The following ZNF189 variants were observed in gnomAD, a reference collection of about 807,000 sequenced individuals.
ZNF189 encodes the protein zinc finger protein 189.
In ZNF189, 33 loss-of-function variants were observed where a neutral mutation model predicts 53.5. The ratio of observed to expected loss-of-function variants is 0.62; its 90% CI spans 0.47 to 0.82. ZNF189 has a LOEUF of 0.82. Among genes scored for constraint, ZNF189 ranks in the 40% least tolerant of loss-of-function variants. The pLI is 0.00. For synonymous variants in ZNF189, 247 were observed against 238.8 expected (o/e 1.03, Z -0.32); for missense variants, 711 against 753.9 (o/e 0.94, Z 0.67).
At chr9:101,403,631 CTCTT>C (rs755387002) in intron 2 of ZNF189, among the ~76,000 whole-genome samples, 1 of 152,202 alleles carries the variant, frequency 6.6e-6, no homozygotes, top group Non-Finnish European at 1.5e-5. Context: ...ATTTTAATGA[CTCTT>C]TCCGCAATGA....
chr9:101,408,999 A>G lies in ZNF189; in HGVS notation c.1231A>G (p.Arg411Gly), dbSNP rs1331274647. Reference sequence around the variant, plus strand: ...TGAGGAATGTGGAAAAGCCTTTAGTAGAAGCTCAGGTCTTATTCAGCATCA... The same window carrying G: ...TGAGGAATGTGGAAAAGCCTTTAGTGGAAGCTCAGGTCTTATTCAGCATCA... ...KCEECGKAFS[R>G]SSGLIQHQRI... Residue 411 changes from arginine to glycine, a missense_variant, in exon 3 of 3, where the codon AGA (arginine) becomes GGA (glycine). By Grantham distance (125) the Arg-to-Gly change is moderately radical (BLOSUM62 -2). Transcript: ENST00000339664. 1 of 1,613,952 alleles carries G rather than the reference A, an allele frequency of 6.2e-7. No individual in the cohort carries two copies. Among genetic ancestry groups the G allele is most frequent in the Non-Finnish European group, 8.5e-7 (1 of 1,180,016 alleles).
intron 2 of ZNF189, among the ~76,000 whole-genome samples, chr9:101,404,964 G>T (rs1830658852): frequency 6.6e-6 from 1 of 152,096 alleles, no homozygotes; most frequent in African/African-American, 2.4e-5. Flanking sequence ...AGGAACTGTT[G>T]CTTTAAACTT....
chr9:101,400,059 A>G, intron 2 of ZNF189, 49 bp downstream of exon 2: 1 of 1,598,866 alleles, frequency 6.3e-7, no homozygotes, highest in Non-Finnish European at 8.5e-7. Context: ...AGGTAGAGAG[A>G]AATCAGACTA....
chr9:101,407,964 G>A lies in ZNF189; in HGVS notation c.196G>A (p.Val66Ile), dbSNP rs1332043986. Residue 66 changes from valine to isoleucine, a missense_variant, in exon 3 of 3, where the codon GTA becomes ATA. Coordinates refer to ENST00000339664, the MANE Select transcript of ZNF189 (RefSeq NM_003452.4). ...CAGAGATAAGGATGAGGAGCCAACTGTAAAACAAGAGATTGAAGAAATTGA... is the reference window on the plus strand; with the variant it reads ...CAGAGATAAGGATGAGGAGCCAACTATAAAACAAGAGATTGAAGAAATTGA... ...LNRDKDEEPT[V>I]KQEIEEIEEE... 6.3e-7 allele frequency: 1 copy of A among 1,595,436 alleles called. No homozygotes were observed. The highest frequency in any genetic ancestry group is 1.8e-5 in the Admixed American group (1 of 56,352).
At chr9:101,405,928 A>G (rs1035317298) in intron 2 of ZNF189, among the ~76,000 whole-genome samples, 3 of 151,854 alleles carry the variant, frequency 2.0e-5, no homozygotes, top group Non-Finnish European at 4.4e-5. Context: ...AGCTAGGCAC[A>G]GTGGCGGGTG....
intron 2 of ZNF189, among the ~76,000 whole-genome samples, chr9:101,404,064 T>G (rs534940789): frequency 1.8e-4 from 27 of 152,348 alleles, no homozygotes; most frequent in Non-Finnish European, 3.8e-4. Flanking sequence ...GACAACTATC[T>G]GTGTAGAAAA....
chr9:101,401,274 A>G (rs1341280598), intron 2 of ZNF189, among the ~76,000 whole-genome samples: 2 of 151,668 alleles, frequency 1.3e-5, no homozygotes, highest in Non-Finnish European at 2.9e-5. Context: ...CTTTTTAGTG[A>G]CTATTCCAAA....
rs758564192 is a variant in ZNF189, at chr9:101,409,437, C to T, written c.1669C>T (p.Gln557Ter). Residue 557 changes from glutamine (Q) to a stop codon, truncating the protein, a stop_gained, in exon 3 of 3, where the codon CAG (glutamine) becomes TAG (stop). Transcript: ENST00000339664. LOFTEE classifies it high-confidence loss of function. ...CTTTAGCCGGAACTCGGGTCTTATT[C>T]AGCATCAGAGAATACACACAGGAGA... Reference protein sequence around the residue: ...KAFSRNSGLIQHQRIHTGEKP... With the variant: ...KAFSRNSGLI The T allele has an allele frequency of 4.3e-6, 7 of 1,614,154 alleles. No individual in the cohort carries two copies. Among genetic ancestry groups the T allele is most frequent in the Non-Finnish European group, 5.9e-6 (7 of 1,180,016 alleles).
rs765850362 is a variant in ZNF189 at position 101,400,001 on chromosome 9, G to A, written c.151G>A (p.Val51Ile). 3.1e-6 allele frequency: 5 copies of A among 1,613,872 alleles called. No homozygotes were observed. Among genetic ancestry groups the A allele is most frequent in the Admixed American group, 1.7e-5 (1 of 59,978 alleles). ...DVMMENYGNLVSLDVLNRDKD... is the reference protein window; with the variant it reads ...DVMMENYGNLISLDVLNRDKD... ...CATGATGGAGAATTATGGAAACCTG[G>A]TCTCACTGGGTAAGAATCTGCTGTT... The change falls in exon 2 of 3, where the codon GTC becomes ATC. Residue 51 changes from valine (V) to isoleucine (I), a missense_variant. Coordinates refer to ENST00000339664, the MANE Select transcript of ZNF189 (RefSeq NM_003452.4).
At chr9:101,400,067 C>CT in intron 2 of ZNF189, 57 bp downstream of exon 2, 2 of 1,590,076 alleles carry the variant, frequency 1.3e-6, no homozygotes, top group South Asian at 1.1e-5. Context: ...AGAAATCAGA[C>CT]TAACAGAACA....
intron 2 of ZNF189, among the ~76,000 whole-genome samples, chr9:101,403,478 T>G (rs1830604399): frequency 6.6e-6 from 1 of 152,212 alleles, no homozygotes; most frequent in African/African-American, 2.4e-5. Context: ...TTAACTGCTT[T>G]TCATAATGCA....
rs533585087 is a variant in ZNF189, at chr9:101,409,412, C to G, written c.1644C>G (p.Ala548=). The change falls in exon 3 of 3, where the codon GCC becomes GCG. Residue 548 remains alanine, a synonymous_variant. Coordinates refer to ENST00000339664, the MANE Select transcript of ZNF189 (RefSeq NM_003452.4). Reference sequence around the variant, plus strand: ...ATAAATGTGATGAATGTGGAAAGGCCTTTAGCCGGAACTCGGGTCTTATTC... The same window carrying G: ...ATAAATGTGATGAATGTGGAAAGGCGTTTAGCCGGAACTCGGGTCTTATTC... ...KPHKCDECGK[A]FSRNSGLIQH... is the part of the protein sequence containing the mutation. 1 of 1,614,152 alleles carries G rather than the reference C, an allele frequency of 6.2e-7. No individual in the cohort carries two copies. Among genetic ancestry groups the G allele is most frequent in the South Asian group, 1.1e-5 (1 of 91,088 alleles).
chr9:101,405,730 A>G (rs1830683658), intron 2 of ZNF189, among the ~76,000 whole-genome samples: 1 of 152,152 alleles, frequency 6.6e-6, no homozygotes, highest in African/African-American at 2.4e-5. Context: ...ATGTCAAGAA[A>G]TAGGGGTGGT....
At chr9:101,399,747 G>A in intron 1 of ZNF189, 137 bp from the exon 2 acceptor site, 1 of 1,408,374 alleles carries the variant, frequency 7.1e-7, no homozygotes, top group Non-Finnish European at 9.7e-7. Context: ...TCCCAGAATT[G>A]GGCAACATAT....
chr9:101,408,109 T>G lies in ZNF189; in HGVS notation c.341T>G (p.Phe114Cys), dbSNP rs1188525959. The G allele has an allele frequency of 6.2e-7, 1 of 1,613,992 alleles. No homozygotes were observed. The highest frequency in any genetic ancestry group is 8.5e-7 in the Non-Finnish European group (1 of 1,179,972). The change falls in exon 3 of 3, where the codon TTC (phenylalanine) becomes TGC (cysteine). Residue 114 changes from phenylalanine (F) to cysteine (C), a missense_variant. Transcript: ENST00000339664. The stretch of plus-strand genomic sequence containing the variant: ...AGGTTAGATAAACAAAGAGGGATCT[T>G]CCTATGGGAAATACCAAGGGAATCT... ...VGRLDKQRGIFLWEIPRESLT... is the reference protein window; with the variant it reads ...VGRLDKQRGICLWEIPRESLT...
intron 2 of ZNF189, 86 bp downstream of exon 2, chr9:101,400,096 C>T (rs1830479226): frequency 4.0e-6 from 6 of 1,508,954 alleles, no homozygotes; most frequent in Non-Finnish European, 5.4e-6. Context: ...GAAACCAGTA[C>T]CAAAACTGCT....
chr9:101,406,004 G>A (rs1175685098), intron 2 of ZNF189, among the ~76,000 whole-genome samples: 2 of 149,958 alleles, frequency 1.3e-5, no homozygotes, highest in Non-Finnish European at 3.0e-5. Flanking sequence ...GGTGGAGGTT[G>A]TAGTGAGCCA....
intron 2 of ZNF189, among the ~76,000 whole-genome samples, chr9:101,402,295 G>A (rs1385401378): frequency 6.6e-6 from 1 of 152,132 alleles, no homozygotes; most frequent in Non-Finnish European, 1.5e-5. Context: ...CACTTACTTA[G>A]CCTGGTGAGT....
intron 2 of ZNF189, among the ~76,000 whole-genome samples, chr9:101,405,352 G>A (rs1830672276): frequency 6.6e-6 from 1 of 152,142 alleles, no homozygotes; most frequent in Non-Finnish European, 1.5e-5. Flanking sequence ...ATGAAAGATA[G>A]GTGCTAGAGA....
Sources: allele counts gnomAD v4.1 joint callset (sites outside exome capture counted in the v4.1 genomes callset), GRCh38; gene constraint gnomAD v4.1.1; transcripts MANE v1.5; gene names NCBI Gene and HGNC (gene_info 2026-07-23, HGNC 2026-07-21).